The following DDR2 variants were observed in gnomAD, a reference collection of about 807,000 sequenced individuals.
DDR2 encodes the protein discoidin domain receptor tyrosine kinase 2.
In DDR2, 27 loss-of-function variants were observed where a neutral mutation model predicts 94.9. The ratio of observed to expected loss-of-function variants is 0.28; its 90% CI spans 0.21 to 0.39. The LOEUF is 0.39. Among genes scored for constraint, DDR2 ranks in the 10% least tolerant of loss-of-function variants. The pLI is 1.00. For synonymous variants in DDR2, 382 were observed against 377.2 expected, an observed-to-expected ratio of 1.01 and a Z score of -0.15; for missense variants, 783 against 1,076.0, an observed-to-expected ratio of 0.73 and a Z score of 3.81.
At chr1:162,640,361 C>T (rs1657068916) in intron 1 of DDR2, among the ~76,000 whole-genome samples, 1 of 152,024 alleles carries the variant, frequency 6.6e-6, no homozygotes, top group African/African-American at 2.4e-5. Context: ...GTTGATATCA[C>T]AGACCATTAG....
At chr1:162,668,519 G>T (rs1010006488) in intron 2 of DDR2, among the ~76,000 whole-genome samples, 6 of 152,128 alleles carry the variant, frequency 3.9e-5, no homozygotes, top group African/African-American at 9.7e-5. Flanking sequence ...CCCTCTGAAG[G>T]TTCTAGAGAA....
At chr1:162,654,347 G>A (rs1388360071) in intron 1 of DDR2, among the ~76,000 whole-genome samples, 2 of 151,974 alleles carry the variant, frequency 1.3e-5, no homozygotes, top group African/African-American at 2.4e-5. Flanking sequence ...TTAAAAGGCC[G>A]AGGCAAAAGG....
chr1:162,670,369 G>A lies in DDR2; in HGVS notation c.-28+14995G>A, dbSNP rs535386819. 5.3e-5 allele frequency among the ~76,000 whole-genome samples: 8 copies of A among 152,312 alleles called. 1 individual carries two copies. Among genetic ancestry groups the A allele is most frequent in the Admixed American group, 4.6e-4 (7 of 15,304 alleles). On this transcript the variant is annotated intron_variant, in intron 2 of 17. Coordinates refer to ENST00000367921, the MANE Select transcript of DDR2 (RefSeq NM_006182.4). ...GATCTGCCTGCCTTGGCCTCCCAAG[G>A]TACTGGGATTACAGGCGTGAGCCAT...
intron 2 of DDR2, among the ~76,000 whole-genome samples, chr1:162,686,448 A>T (rs1040891320): frequency 6.6e-6 from 1 of 152,012 alleles, no homozygotes; most frequent in Admixed American, 6.6e-5. Flanking sequence ...ACTCCCACTT[A>T]TGAGTGAGAA....
intron 3 of DDR2, among the ~76,000 whole-genome samples, chr1:162,725,236 T>C (rs967253341): frequency 6.6e-6 from 1 of 152,212 alleles, no homozygotes; most frequent in African/African-American, 2.4e-5. Context: ...ATTAGGTAAC[T>C]CATAGCAGGT....
intron 2 of DDR2, among the ~76,000 whole-genome samples, chr1:162,674,190 C>G (rs749786602): frequency 6.6e-6 from 1 of 152,160 alleles, no homozygotes; most frequent in East Asian, 1.9e-4. Flanking sequence ...ACCATCCATT[C>G]AAGTACTCAA....
At chr1:162,695,731 C>T (rs937261711) in intron 2 of DDR2, among the ~76,000 whole-genome samples, 1 of 152,112 alleles carries the variant, frequency 6.6e-6, no homozygotes, top group Non-Finnish European at 1.5e-5. Flanking sequence ...ATGTTTGAGC[C>T]TCAGATACAC....
At chr1:162,764,789 T>C (rs984168109) in intron 9 of DDR2, among the ~76,000 whole-genome samples, 9 of 147,834 alleles carry the variant, frequency 6.1e-5, no homozygotes, top group Non-Finnish European at 8.9e-5. Flanking sequence ...ATTGCACCAC[T>C]GCACTCCAGC....
chr1:162,686,246 A>G (rs1450999833), intron 2 of DDR2, among the ~76,000 whole-genome samples: 1 of 152,132 alleles, frequency 6.6e-6, no homozygotes, highest in East Asian at 1.9e-4. Flanking sequence ...CATGTGCAGA[A>G]CGTGCAGGTT....
chr1:162,636,459 C>G (rs1038620419), intron 1 of DDR2, among the ~76,000 whole-genome samples: 9 of 152,252 alleles, frequency 5.9e-5, no homozygotes, highest in Middle Eastern at 6.8e-3. Flanking sequence ...AAGAACCCCA[C>G]AAAAATCTGT....
intron 2 of DDR2, among the ~76,000 whole-genome samples, chr1:162,716,932 C>A (rs1661191823): frequency 6.6e-6 from 1 of 152,122 alleles, no homozygotes; most frequent in African/African-American, 2.4e-5. Flanking sequence ...AAGGGAATTT[C>A]TTCTCTCTTT....
rs144357122 is a variant in DDR2, at chr1:162,739,829, A to T, written c.83-13266A>T. ...TTATGATAGTAAAATATGTGAGAAG[A>T]AGTAGGTGGGATATGGGAATATTTT... On this transcript the variant is annotated intron_variant, in intron 3 of 17. Coordinates refer to ENST00000367921, the MANE Select transcript of DDR2 (RefSeq NM_006182.4). Among the ~76,000 whole-genome samples, 10 of 152,318 alleles carry T rather than the reference A, an allele frequency of 6.6e-5. No homozygotes were observed. The East Asian group carries it at 1.9e-3, about 29-fold the overall frequency.
intron 3 of DDR2, among the ~76,000 whole-genome samples, chr1:162,726,740 G>C (rs943330278): frequency 1.3e-5 from 2 of 152,070 alleles, no homozygotes; most frequent in Non-Finnish European, 2.9e-5. Context: ...CAGGGCTCTC[G>C]TGTGGAAAGA....
intron 2 of DDR2, among the ~76,000 whole-genome samples, chr1:162,710,682 A>C (rs1248280156): frequency 1.3e-5 from 2 of 152,156 alleles, no homozygotes; most frequent in Non-Finnish European, 2.9e-5. Flanking sequence ...TAAAATACAT[A>C]GCCCTAAATC....
At chr1:162,707,463 G>A (rs1660714383) in intron 2 of DDR2, among the ~76,000 whole-genome samples, 1 of 152,160 alleles carries the variant, frequency 6.6e-6, no homozygotes. Context: ...ATGATTGCTT[G>A]TTTTGTATTT....
intron 1 of DDR2, among the ~76,000 whole-genome samples, chr1:162,633,311 G>C (rs1366463009): frequency 6.6e-6 from 1 of 152,134 alleles, no homozygotes; most frequent in African/African-American, 2.4e-5. Flanking sequence ...CCTGGCCTAG[G>C]TTCAAGAGTC....
At chr1:162,684,261 ATCCTTCC>A (rs1224469911) in intron 2 of DDR2, among the ~76,000 whole-genome samples, 6 of 152,158 alleles carry the variant, frequency 3.9e-5, no homozygotes, top group African/African-American at 1.4e-4. Flanking sequence ...TTAAGGGAAC[ATCCTTCC>A]TTCTTCCTTC....
intron 1 of DDR2, among the ~76,000 whole-genome samples, chr1:162,641,911 T>C (rs539595114): frequency 1.3e-5 from 2 of 152,300 alleles, no homozygotes; most frequent in East Asian, 3.9e-4. Context: ...CGGTTTGTAT[T>C]GGGTCTATAT....
At chr1:162,778,548 C>T (rs2102205669) in intron 16 of DDR2, 32 bp from the exon 17 acceptor site, 1 of 1,613,620 alleles carries the variant, frequency 6.2e-7, no homozygotes, top group East Asian at 2.2e-5. Context: ...ACAGGTTATT[C>T]TGATTTCCCA....
Sources: gnomAD v4.1 joint callset for allele counts (sites outside exome capture counted in the v4.1 genomes callset) on GRCh38, gnomAD v4.1.1 for gene constraint, MANE v1.5 for transcripts, NCBI Gene and HGNC (gene_info 2026-07-23, HGNC 2026-07-21) for gene names.